Variants in KIAA0232 observed in about 807,000 individuals in gnomAD.
KIAA0232 encodes uncharacterized protein KIAA0232.
Under a neutral mutation model 122.0 loss-of-function variants are expected in KIAA0232, and 27 were observed. The observed-to-expected ratio is 0.22, with a 90% CI of 0.16 to 0.31. The LOEUF (loss-of-function observed/expected upper bound fraction) is 0.31. Ranked by LOEUF, KIAA0232 falls within the 10% of genes least tolerant of loss-of-function variation. The probability of loss-of-function intolerance (pLI) is 1.00; values close to 1 mark genes in which losing one functional copy is unlikely to be tolerated. For missense variants in KIAA0232, 1,551 were observed against 1,634.2 expected, an observed-to-expected ratio of 0.95 and a Z score of 0.88; for synonymous variants, 613 against 587.6, an observed-to-expected ratio of 1.04 and a Z score of -0.63.
chr4:6,785,554 C>T (rs1440459189), intron 1 of KIAA0232, among the ~76,000 whole-genome samples: 2 of 152,196 alleles, frequency 1.3e-5, no homozygotes, highest in African/African-American at 4.8e-5. Context: ...TAAAAATACT[C>T]GCCTAGTGTA....
At position 6,823,241 on chromosome 4, in the gene KIAA0232, G is replaced by A. The variant is rs917575023; in HGVS notation, c.-269-944G>A. Among the ~76,000 whole-genome samples the A allele has an allele frequency of 4.6e-5, 7 of 152,058 alleles. No individual in the cohort carries two copies. The South Asian group carries it at 8.3e-4, about 18-fold the overall frequency. ...GTGAATAATGCCGCAGTAAACATAC[G>A]TGTGCATATGTCTTTATAGCAGCAT... On this transcript the variant is annotated intron_variant, in intron 2 of 9. Coordinates refer to ENST00000307659, the MANE Select transcript of KIAA0232 (RefSeq NM_014743.3).
chr4:6,811,697 G>A (rs939021054), intron 2 of KIAA0232, among the ~76,000 whole-genome samples: 11 of 151,022 alleles, frequency 7.3e-5, no homozygotes, highest in African/African-American at 2.7e-4. Flanking sequence ...CGTCCGCCTC[G>A]GCCACCCAAA....
At chr4:6,878,998 CCT>C (rs1196879803) in intron 9 of KIAA0232, among the ~76,000 whole-genome samples, 2 of 152,136 alleles carry the variant, frequency 1.3e-5, no homozygotes, top group Admixed American at 6.6e-5. Flanking sequence ...ATTCCCCAGT[CCT>C]CTCTCTCATC....
At chr4:6,851,781 T>C (rs1398213056) in intron 4 of KIAA0232, among the ~76,000 whole-genome samples, 1 of 149,532 alleles carries the variant, frequency 6.7e-6, no homozygotes, top group African/African-American at 2.5e-5. Flanking sequence ...GGTGCTATAA[T>C]GAACTAAGAA....
At chr4:6,809,161 A>T (rs1717765891) in intron 2 of KIAA0232, among the ~76,000 whole-genome samples, 1 of 152,110 alleles carries the variant, frequency 6.6e-6, no homozygotes, top group Non-Finnish European at 1.5e-5. Context: ...AACTTTTATG[A>T]TCCTATTATT....
intron 9 of KIAA0232, among the ~76,000 whole-genome samples, chr4:6,879,833 C>T (rs1410243325): frequency 7.3e-6 from 1 of 137,662 alleles, no homozygotes; most frequent in African/African-American, 2.7e-5. Context: ...TGCCCCCCCT[C>T]ACCATCTGTA....
chr4:6,878,576 C>T (rs1266977200), intron 9 of KIAA0232, among the ~76,000 whole-genome samples: 3 of 152,166 alleles, frequency 2.0e-5, no homozygotes, highest in Admixed American at 2.0e-4. Flanking sequence ...GTCACATGGT[C>T]GTAGCTGGTA....
intron 2 of KIAA0232, among the ~76,000 whole-genome samples, chr4:6,820,760 G>C (rs960420198): frequency 1.3e-5 from 2 of 152,192 alleles, no homozygotes; most frequent in South Asian, 2.1e-4. Context: ...CCCTTGAATG[G>C]ATCCACATTT....
chr4:6,850,481 T>G (rs867961142), intron 4 of KIAA0232, among the ~76,000 whole-genome samples: 1 of 152,226 alleles, frequency 6.6e-6, no homozygotes, highest in Non-Finnish European at 1.5e-5. Context: ...TCTATATATT[T>G]TTGTAACTTC....
At chr4:6,809,314 G>T (rs1717772056) in intron 2 of KIAA0232, among the ~76,000 whole-genome samples, 1 of 152,220 alleles carries the variant, frequency 6.6e-6, no homozygotes, top group African/African-American at 2.4e-5. Flanking sequence ...CCCTATTAAA[G>T]TGAAGTGAGG....
At chr4:6,864,249 G>A in intron 7 of KIAA0232, 66 bp downstream of exon 7, 1 of 1,475,070 alleles carries the variant, frequency 6.8e-7, no homozygotes, top group Non-Finnish European at 9.1e-7. Flanking sequence ...GAACAGACAT[G>A]CCAGTCAATG....
rs887201564 is a variant in KIAA0232 at position 6,880,982 on chromosome 4, C to T, written c.*16C>T. The T allele has an allele frequency of 5.3e-5, 76 of 1,446,388 alleles. No individual in the cohort carries two copies. Among genetic ancestry groups the T allele is most frequent in the Non-Finnish European group, 7.0e-5 (76 of 1,090,832 alleles). 89.6% of individuals were successfully genotyped at this position (1,446,388 alleles called of 1,614,324 possible). On this transcript the variant is annotated 3_prime_UTR_variant, in exon 10 of 10. Coordinates refer to ENST00000307659, the MANE Select transcript of KIAA0232 (RefSeq NM_014743.3). ...TCATCTCTAAACCTGCAAAATAGTA[C>T]AAATTATTGTTTAAAAATGATATGT... is the stretch of plus-strand genomic sequence containing the variant.
chr4:6,843,356 C>T (rs1350177291), intron 4 of KIAA0232, among the ~76,000 whole-genome samples: 1 of 152,192 alleles, frequency 6.6e-6, no homozygotes, highest in East Asian at 1.9e-4. Context: ...GTGTTGCGAT[C>T]GTTGGCTTTG....
rs10716163 is a variant in KIAA0232 at position 6,791,315 on chromosome 4, C to CTTT, written c.-354+8500_-354+8502dup. On this transcript the variant is annotated intron_variant, in intron 1 of 9. Coordinates refer to ENST00000307659, the MANE Select transcript of KIAA0232 (RefSeq NM_014743.3). ...GGAATACAAGTAGCTGTCATAAAGCCTTTTTTTTTTTTTTTTTTTTTTTTT... is the reference window on the plus strand; with the variant it reads ...GGAATACAAGTAGCTGTCATAAAGCCTTTTTTTTTTTTTTTTTTTTTTTTTTTT... Among the ~76,000 whole-genome samples the CTTT allele has an allele frequency of 3.1e-4, 26 of 82,664 alleles. 4 individuals are homozygous for CTTT. The highest frequency in any genetic ancestry group is 1.1e-3 in the African/African-American group (17 of 15,550). 54.2% of individuals were successfully genotyped at this position (82,664 alleles called of 152,430 possible).
At chr4:6,877,218 G>A (rs1174202280) in intron 9 of KIAA0232, among the ~76,000 whole-genome samples, 10 of 152,020 alleles carry the variant, frequency 6.6e-5, no homozygotes, top group Non-Finnish European at 1.0e-4. Flanking sequence ...CGCCCTTTCC[G>A]TGTCCTCCTG....
At chr4:6,842,453 C>A (rs960274804) in intron 4 of KIAA0232, among the ~76,000 whole-genome samples, 3 of 151,966 alleles carry the variant, frequency 2.0e-5, no homozygotes, top group Non-Finnish European at 4.4e-5. Context: ...TTTTCCAACT[C>A]GACTATTTCA....
intron 1 of KIAA0232, among the ~76,000 whole-genome samples, chr4:6,789,019 C>T (rs779016392): frequency 2.6e-5 from 4 of 151,650 alleles, no homozygotes; most frequent in Non-Finnish European, 5.9e-5. Flanking sequence ...CGCCCAGGCT[C>T]GAGTGCAGTG....
At chr4:6,867,488 C>G (rs1297221701) in intron 7 of KIAA0232, among the ~76,000 whole-genome samples, 1 of 152,204 alleles carries the variant, frequency 6.6e-6, no homozygotes, top group Admixed American at 6.5e-5. Context: ...GCCTTGGTAT[C>G]TGGACATACA....
At chr4:6,857,322 A>T (rs920416876) in intron 5 of KIAA0232, 92 bp downstream of exon 5, 2 of 1,092,714 alleles carry the variant, frequency 1.8e-6, no homozygotes, top group South Asian at 3.2e-5. Context: ...CAGAAAAGAA[A>T]ACAACCAGAA....
Sources: allele counts gnomAD v4.1 joint callset (sites outside exome capture counted in the v4.1 genomes callset), GRCh38; gene constraint gnomAD v4.1.1; transcripts MANE v1.5; gene names NCBI Gene and HGNC (gene_info 2026-07-23, HGNC 2026-07-21).